Variants in GALNT13 observed in about 807,000 individuals in gnomAD.
GALNT13 encodes polypeptide N-acetylgalactosaminyltransferase 13.
In GALNT13, 28 loss-of-function variants were observed where a neutral mutation model predicts 64.2. The ratio of observed to expected loss-of-function variants is 0.44; its 90% confidence interval spans 0.32 to 0.60. GALNT13 has a LOEUF of 0.60. GALNT13 is among the 20% of genes least tolerant of loss of function. The pLI, the probability that GALNT13 is intolerant of heterozygous loss-of-function variation, is 0.05. For missense variants in GALNT13, 577 were observed against 669.8 expected (o/e 0.86, Z 1.53); for synonymous variants, 214 against 224.6 (o/e 0.95, Z 0.42).
At chr2:154,201,166 T>A (rs1394365604) in intron 4 of GALNT13, among the ~76,000 whole-genome samples, 1 of 152,112 alleles carries the variant, frequency 6.6e-6, no homozygotes, top group Non-Finnish European at 1.5e-5. Flanking sequence ...CAAAGAGTTG[T>A]CATGTGTATT....
At chr2:153,177,184 A>T in the GALNT13 span, among the ~76,000 whole-genome samples, 1 of 152,174 alleles carries the variant, frequency 6.6e-6, no homozygotes, top group African/African-American at 2.4e-5. Flanking sequence ...AAAGAGCAAG[A>T]AGTAGACAAA....
At chr2:153,346,969 A>T in the GALNT13 span, among the ~76,000 whole-genome samples, 4 of 152,230 alleles carry the variant, frequency 2.6e-5, no homozygotes, top group Non-Finnish European at 5.9e-5. Context: ...CGTGCAAGAT[A>T]AAAACCGTGG....
chr2:153,159,770 C>T, the GALNT13 span: 8 of 152,210 alleles, frequency 5.3e-5, no homozygotes, highest in Non-Finnish European at 1.2e-4. Context: ...CAGCTAAAAA[C>T]CCTTGACCTG....
chr2:153,573,751 C>T, the GALNT13 span, among the ~76,000 whole-genome samples: 3 of 152,060 alleles, frequency 2.0e-5, no homozygotes, highest in Admixed American at 2.0e-4. Context: ...TTCATCCCCC[C>T]ACTTTTTAAC....
the GALNT13 span, among the ~76,000 whole-genome samples, chr2:153,782,599 T>C: frequency 2.0e-5 from 3 of 152,076 alleles, no homozygotes; most frequent in East Asian, 5.8e-4. Context: ...TTAAGGTGAG[T>C]TTAATCTAAC....
chr2:153,253,980 C>T, the GALNT13 span, among the ~76,000 whole-genome samples: 1 of 152,192 alleles, frequency 6.6e-6, no homozygotes, highest in Non-Finnish European at 1.5e-5. Context: ...ATGCTGGCCT[C>T]ATAAAATGAG....
intron 3 of GALNT13, among the ~76,000 whole-genome samples, chr2:154,127,019 TACTC>T (rs1682322341): frequency 6.6e-6 from 1 of 152,210 alleles, no homozygotes; most frequent in Admixed American, 6.5e-5. Context: ...TCTAAAAGAA[TACTC>T]AGCTGCAGCT....
chr2:153,189,511 T>G, the GALNT13 span, among the ~76,000 whole-genome samples: 4 of 152,256 alleles, frequency 2.6e-5, no homozygotes, highest in South Asian at 8.3e-4. Flanking sequence ...TGATGGACAC[T>G]TAGATTGATT....
chr2:154,098,827 G>A (rs1357281081), intron 3 of GALNT13, among the ~76,000 whole-genome samples: 1 of 152,028 alleles, frequency 6.6e-6, no homozygotes, highest in African/African-American at 2.4e-5. Flanking sequence ...ATCCCTTGAA[G>A]GACAGGTTGA....
chr2:153,567,766 A>G, the GALNT13 span, among the ~76,000 whole-genome samples: 35,303 of 151,304 alleles, frequency 0.23, 4,383 homozygotes, highest in East Asian at 0.38. Context: ...GGTTATGAAA[A>G]CAGGTTATGT....
intron 3 of GALNT13, among the ~76,000 whole-genome samples, chr2:154,079,811 C>T (rs1007702954): frequency 6.6e-6 from 1 of 151,604 alleles, no homozygotes; most frequent in African/African-American, 2.4e-5. Flanking sequence ...ATGATTACTA[C>T]TTTTCTTATT....
At chr2:153,903,066 C>A (rs1688335591) in intron 2 of GALNT13, among the ~76,000 whole-genome samples, 1 of 151,964 alleles carries the variant, frequency 6.6e-6, no homozygotes, top group Admixed American at 6.6e-5. Flanking sequence ...AAAATCTTGA[C>A]CTTTAGGGAG....
the GALNT13 span, among the ~76,000 whole-genome samples, chr2:153,364,646 G>A: frequency 6.6e-6 from 1 of 152,112 alleles, no homozygotes; most frequent in Non-Finnish European, 1.5e-5. Context: ...TTGTTGCAAA[G>A]AGAATGAAAT....
At chr2:153,677,298 C>T in the GALNT13 span, among the ~76,000 whole-genome samples, 30 of 147,590 alleles carry the variant, frequency 2.0e-4, no homozygotes, top group East Asian at 2.8e-3. Context: ...CACACACACA[C>T]ACACACACAC....
At chr2:153,425,317 T>C in the GALNT13 span, among the ~76,000 whole-genome samples, 7 of 151,820 alleles carry the variant, frequency 4.6e-5, no homozygotes, top group Non-Finnish European at 4.4e-5. Context: ...GTTTGCAATA[T>C]TTTATTATTA....
At chr2:154,073,549 A>C (rs1260437000) in intron 3 of GALNT13, among the ~76,000 whole-genome samples, 1 of 151,940 alleles carries the variant, frequency 6.6e-6, no homozygotes, top group Non-Finnish European at 1.5e-5. Context: ...ATTGCATTTG[A>C]AATGTGTAAA....
At chr2:154,360,401 T>C (rs1371925011) in intron 9 of GALNT13, among the ~76,000 whole-genome samples, 2 of 152,202 alleles carry the variant, frequency 1.3e-5, no homozygotes, top group Non-Finnish European at 2.9e-5. Context: ...ATTAAGGGAA[T>C]AGGCCATTCT....
chr2:153,443,328 G>A, the GALNT13 span, among the ~76,000 whole-genome samples: 31 of 152,148 alleles, frequency 2.0e-4, no homozygotes, highest in African/African-American at 6.3e-4. Flanking sequence ...TGTGCTTCCT[G>A]GGTGTGTTGA....
the GALNT13 span, among the ~76,000 whole-genome samples, chr2:153,498,026 AC>A: frequency 6.6e-6 from 1 of 152,120 alleles, no homozygotes; most frequent in Non-Finnish European, 1.5e-5. Context: ...ATACAAGCAA[AC>A]CTGCCGCTGT....
Sources: gnomAD v4.1 joint callset for allele counts (sites outside exome capture counted in the v4.1 genomes callset) on GRCh38, gnomAD v4.1.1 for gene constraint, MANE v1.5 for transcripts, NCBI Gene and HGNC (gene_info 2026-07-23, HGNC 2026-07-21) for gene names.